NPAS3: variants seen among roughly 807,000 people sequenced by gnomAD.
NPAS3 encodes the protein neuronal PAS domain-containing protein 3.
Under a neutral mutation model 73.1 loss-of-function variants are expected in NPAS3, and 14 were observed. That is an observed-to-expected ratio of 0.19 (90% CI 0.13 to 0.30). The LOEUF (loss-of-function observed/expected upper bound fraction) is 0.30, where lower values mean the gene tolerates loss of function less well. NPAS3 is among the 10% of genes least tolerant of loss of function. The pLI is 1.00. For synonymous variants in NPAS3, 620 were observed against 541.5 expected, an observed-to-expected ratio of 1.14 and a Z score of -2.01; for missense variants, 1,096 against 1,250.0, an observed-to-expected ratio of 0.88 and a Z score of 1.86.
In NPAS3 at chr14:33,284,808, CTATCTATA is replaced by C. The variant is rs1486353575; in HGVS notation, c.385+69385_385+69392del. Among the ~76,000 whole-genome samples, 446 of 101,614 alleles carry C rather than the reference CTATCTATA, an allele frequency of 4.4e-3. 2 individuals are homozygous for C. The highest frequency in any genetic ancestry group is 7.8e-3 in the African/African-American group (199 of 25,472). 66.7% of individuals were successfully genotyped at this position (101,614 alleles called of 152,430 possible). ...TCTATCTATCTATCTATCTATCTAT[CTATCTATA>C]TAATCTTCTCAACATCTGCCTGTAG... On this transcript the variant is annotated intron_variant, in intron 3 of 11. Coordinates refer to ENST00000356141, the Ensembl canonical transcript of NPAS3.
chr14:33,192,349 C>A (rs189235492), intron 2 of NPAS3, among the ~76,000 whole-genome samples: 1 of 152,202 alleles, frequency 6.6e-6, no homozygotes, highest in East Asian at 1.9e-4. Context: ...ACCATGGGTT[C>A]TTTAAGTCTT....
At chr14:33,230,991 C>T (rs189698412) in intron 3 of NPAS3, among the ~76,000 whole-genome samples, 1 of 152,268 alleles carries the variant, frequency 6.6e-6, no homozygotes, top group African/African-American at 2.4e-5. Context: ...AATGCAGATA[C>T]GCTTCTAAAG....
chr14:33,680,120 G>A (rs2059891225), intron 6 of NPAS3, among the ~76,000 whole-genome samples: 1 of 152,110 alleles, frequency 6.6e-6, no homozygotes, highest in Non-Finnish European at 1.5e-5. Context: ...TCTTTTTGCA[G>A]ATCTACTTGT....
At chr14:33,624,437 T>A (rs1186318679) in intron 5 of NPAS3, among the ~76,000 whole-genome samples, 1 of 152,202 alleles carries the variant, frequency 6.6e-6, no homozygotes, top group Non-Finnish European at 1.5e-5. Flanking sequence ...ACATAAAATG[T>A]TGTGTTCATC....
intron 1 of NPAS3, among the ~76,000 whole-genome samples, chr14:32,956,779 C>T (rs1025692447): frequency 1.3e-5 from 2 of 152,118 alleles, no homozygotes; most frequent in African/African-American, 2.4e-5. Flanking sequence ...ATCCACTTTT[C>T]CAAAACCCAA....
At chr14:33,425,969 T>G (rs1229361289) in intron 4 of NPAS3, among the ~76,000 whole-genome samples, 1 of 152,082 alleles carries the variant, frequency 6.6e-6, no homozygotes, top group Non-Finnish European at 1.5e-5. Context: ...AAGTGATACA[T>G]TGTTCAAACT....
chr14:33,672,101 GA>G (rs1567112332), intron 5 of NPAS3, among the ~76,000 whole-genome samples: 1 of 152,054 alleles, frequency 6.6e-6, no homozygotes, highest in East Asian at 1.9e-4. Flanking sequence ...GTTAACACCT[GA>G]AACTAACCAG....
At chr14:33,384,817 G>T (rs1351619881) in intron 4 of NPAS3, among the ~76,000 whole-genome samples, 2 of 152,144 alleles carry the variant, frequency 1.3e-5, no homozygotes, top group Non-Finnish European at 2.9e-5. Flanking sequence ...ATCAGTTTAT[G>T]TATCACAGTG....
At chr14:33,431,425 C>T (rs1352888085) in intron 4 of NPAS3, among the ~76,000 whole-genome samples, 2 of 152,046 alleles carry the variant, frequency 1.3e-5, no homozygotes, top group African/African-American at 2.4e-5. Context: ...CACTTAAAGG[C>T]CATTAAACAT....
rs1402549387 is a variant in NPAS3, at chr14:33,800,604, G to C, written c.2297G>C (p.Gly766Ala). The C allele has an allele frequency of 3.0e-6, 4 of 1,312,188 alleles. No homozygotes were observed. The highest frequency in any genetic ancestry group is 3.9e-6 in the Non-Finnish European group (4 of 1,038,932). 81.3% of individuals were successfully genotyped at this position (1,312,188 alleles called of 1,614,324 possible). The change falls in exon 12 of 12, where the codon GGC becomes GCC. Residue 766 changes from glycine to alanine, a missense_variant. By Grantham distance (60) the Gly-to-Ala change is moderately conservative. Coordinates refer to ENST00000356141, the Ensembl canonical transcript of NPAS3. This position sits in a 1 kb window ranked among gnomAD's most constrained non-coding sequence, Gnocchi z 6.5. ...AAGCACCCCGGGAACGGCGGCGGGGGCGGGGGCGGGGGCGGCGGCGCGGGG... is the reference window on the plus strand; with the variant it reads ...AAGCACCCCGGGAACGGCGGCGGGGCCGGGGGCGGGGGCGGCGGCGCGGGG...
At chr14:33,060,420 A>G in intron 2 of NPAS3, among the ~76,000 whole-genome samples, 1 of 152,232 alleles carries the variant, frequency 6.6e-6, no homozygotes. Flanking sequence ...TAGGCATGGC[A>G]GTACCTATTT....
chr14:33,313,946 G>T (rs1362966574), intron 3 of NPAS3, among the ~76,000 whole-genome samples: 3 of 151,922 alleles, frequency 2.0e-5, no homozygotes, highest in Non-Finnish European at 1.5e-5. Flanking sequence ...TCTATTCAAG[G>T]TCTGCAGAGG....
At chr14:33,655,318 T>C (rs2383521) in intron 5 of NPAS3, among the ~76,000 whole-genome samples, 63,726 of 146,972 alleles carry the variant, frequency 0.43, 14,464 homozygotes, top group Non-Finnish European at 0.5. Context: ...TTTTTCTCTA[T>C]ATACCTTTGG....
intron 5 of NPAS3, among the ~76,000 whole-genome samples, chr14:33,648,921 CTA>C (rs1212492840): frequency 1.3e-5 from 2 of 152,156 alleles, no homozygotes; most frequent in African/African-American, 2.4e-5. Flanking sequence ...CCCCAGAATT[CTA>C]GATGAACAGC....
intron 1 of NPAS3, among the ~76,000 whole-genome samples, chr14:32,985,951 T>C (rs1391617826): frequency 6.6e-6 from 1 of 152,190 alleles, no homozygotes; most frequent in Non-Finnish European, 1.5e-5. Flanking sequence ...TTGACATGGC[T>C]TCCCCGTGTC....
chr14:33,055,431 A>G (rs1309429417), intron 1 of NPAS3, among the ~76,000 whole-genome samples: 2 of 152,112 alleles, frequency 1.3e-5, no homozygotes, highest in Non-Finnish European at 2.9e-5. Flanking sequence ...TCCATAGCAA[A>G]CTCTATATAA....
chr14:33,004,468 G>A (rs2038918822), intron 1 of NPAS3, among the ~76,000 whole-genome samples: 1 of 152,148 alleles, frequency 6.6e-6, no homozygotes. Flanking sequence ...TGGTACTCCT[G>A]TATAGGGCAC....
chr14:33,297,125 A>G (rs149392367), intron 3 of NPAS3, among the ~76,000 whole-genome samples: 1 of 152,314 alleles, frequency 6.6e-6, no homozygotes, highest in Non-Finnish European at 1.5e-5. Flanking sequence ...GATACTGCCT[A>G]TAAATGAGTT....
intron 9 of NPAS3, among the ~76,000 whole-genome samples, chr14:33,784,855 A>G (rs1022502124): frequency 6.8e-6 from 1 of 147,520 alleles, no homozygotes; most frequent in African/African-American, 2.5e-5. Flanking sequence ...AGTTCAAGCA[A>G]TTCTCCTGCC....
Sources: allele counts gnomAD v4.1 joint callset (sites outside exome capture counted in the v4.1 genomes callset), GRCh38; gene constraint gnomAD v4.1.1; non-coding constraint Gnocchi (gnomAD v3.1); transcripts MANE v1.5; gene names NCBI Gene and HGNC (gene_info 2026-07-23, HGNC 2026-07-21).